Variants in DDX49 observed in about 807,000 individuals in gnomAD.
DDX49 encodes probable ATP-dependent RNA helicase DDX49.
Under a neutral mutation model 56.3 loss-of-function variants are expected in DDX49, and 50 were observed. The observed-to-expected ratio is 0.89, with a 90% CI of 0.71 to 1.12. DDX49 has a LOEUF of 1.12. DDX49 is among the 50% of genes most tolerant of loss of function. The pLI is 0.00. For missense variants in DDX49, 614 were observed against 650.5 expected (o/e 0.94, Z 0.61); for synonymous variants, 269 against 270.6 (o/e 0.99, Z 0.06).
chr19:18,924,824 T>C (rs2056947905), intron 8 of DDX49, 58 bp from the exon 9 acceptor site: 1 of 1,611,746 alleles, frequency 6.2e-7, no homozygotes, highest in Non-Finnish European at 8.5e-7. Flanking sequence ...CCTGGGTGAG[T>C]CCTTGCCTCG....
At chr19:18,922,142 C>A in intron 4 of DDX49, 178 bp downstream of exon 4, 1 of 1,165,752 alleles carries the variant, frequency 8.6e-7, no homozygotes, top group Non-Finnish European at 1.2e-6. Flanking sequence ...GGGCCCAGTC[C>A]TAGCAATGTT....
At chr19:18,926,769 A>G (rs923115348) in intron 10 of DDX49, among the ~76,000 whole-genome samples, 9 of 152,158 alleles carry the variant, frequency 5.9e-5, no homozygotes, top group African/African-American at 2.2e-4. Flanking sequence ...GACTGTCCTG[A>G]AATTTAGAAA....
chr19:18,922,076 C>T (rs762135316), intron 4 of DDX49, 112 bp downstream of exon 4: 16 of 1,422,362 alleles, frequency 1.1e-5, no homozygotes, highest in African/African-American at 1.4e-5. Context: ...GTCCGTTAGA[C>T]TGTCCAGTAA....
chr19:18,924,535 G>T, intron 7 of DDX49, 88 bp from the exon 8 acceptor site: 2 of 1,431,508 alleles, frequency 1.4e-6, no homozygotes, highest in South Asian at 2.3e-5. Flanking sequence ...GACGGCTGGG[G>T]ACTGTCCCGG....
rs1427864720 is a variant in DDX49 at position 18,919,729 on chromosome 19, A to G, written c.-13A>G. 3 of 1,605,494 alleles carry G rather than the reference A, an allele frequency of 1.9e-6. No individual in the cohort carries two copies. The highest frequency in any genetic ancestry group is 1.3e-5 in the African/African-American group (1 of 74,768). On this transcript the variant is annotated 5_prime_UTR_variant, in exon 1 of 13. Coordinates refer to ENST00000247003, the MANE Select transcript of DDX49 (RefSeq NM_019070.5). ...CGGGCCCCTACAAGGGGCCCCTACA[A>G]GCGGCCACAAGGATGGCAGGCTTCG...
intron 1 of DDX49, among the ~76,000 whole-genome samples, 174 bp from the exon 2 acceptor site, chr19:18,920,406 C>T (rs994953441): frequency 6.6e-6 from 1 of 152,200 alleles, no homozygotes; most frequent in African/African-American, 2.4e-5. Flanking sequence ...CCCAAATTCA[C>T]GTGCTCCTGG....
Position 18,919,749 on chromosome 19 carries a change from G to T in DDX49, c.8G>T (p.Gly3Val), listed in dbSNP as rs1420713060. ...CTACAAGCGGCCACAAGGATGGCAG[G>T]CTTCGCGGAGCTCGGGCTGTCATCG... MA[G>V]FAELGLSSWL... Residue 3 changes from glycine to valine, a missense_variant, in exon 1 of 13, where the codon GGC becomes GTC. Transcript: ENST00000247003. 3 of 1,610,250 alleles carry T rather than the reference G, an allele frequency of 1.9e-6. No homozygotes were observed. The highest frequency in any genetic ancestry group is 1.1e-5 in the South Asian group (1 of 91,034).
At position 18,926,341 on chromosome 19, in the gene DDX49, G is replaced by T; in HGVS notation, c.1066G>T (p.Asp356Tyr). ...GGCCATCACGCTGGTGACACAGTAC[G>T]ACATCCACCTGGTGCACGCCATCGA... is the stretch of plus-strand genomic sequence containing the variant. ...GQAITLVTQYDIHLVHAIEEQ... is the reference protein window; with the variant it reads ...GQAITLVTQYYIHLVHAIEEQ... Residue 356 changes from aspartate to tyrosine, a missense_variant, in exon 10 of 13, where the codon GAC (aspartate) becomes TAC (tyrosine). By Grantham distance (160) the Asp-to-Tyr change is radical. Transcript: ENST00000247003. 1 of 1,424,964 alleles carries T rather than the reference G, an allele frequency of 7.0e-7. No individual in the cohort carries two copies. Among genetic ancestry groups the T allele is most frequent in the Non-Finnish European group, 9.4e-7 (1 of 1,069,482 alleles). 88.3% of individuals were successfully genotyped at this position (1,424,964 alleles called of 1,614,324 possible).
chr19:18,924,503 C>A, intron 7 of DDX49, 120 bp from the exon 8 acceptor site: 1 of 1,235,284 alleles, frequency 8.1e-7, no homozygotes, highest in South Asian at 1.2e-5. Context: ...GGTCTGACTT[C>A]TCATGGCCAC....
intron 9 of DDX49, 68 bp downstream of exon 9, chr19:18,925,047 G>C: frequency 6.4e-7 from 1 of 1,553,576 alleles, no homozygotes; most frequent in Admixed American, 1.9e-5. Context: ...AAATTCAGGT[G>C]GTAGGACGTG....
rs752331764 is a variant in DDX49 at position 18,921,900 on chromosome 19, C to T, written c.383C>T (p.Pro128Leu). Residue 128 changes from proline (P) to leucine (L), a missense_variant, in exon 4 of 13, where the codon CCG becomes CTG. Pro to Leu is a moderately conservative substitution (Grantham distance 98). Coordinates refer to ENST00000247003, the MANE Select transcript of DDX49 (RefSeq NM_019070.5). ...SRKPHVVIAT[P>L]GRLADHLRSS... ...AAACCACACGTGGTCATCGCCACGC[C>T]GGGGCGCCTGGCAGATCACCTGCGC... 3.0e-5 allele frequency: 48 copies of T among 1,613,812 alleles called. 1 individual carries two copies. The South Asian group carries it at 4.0e-4, about 13-fold the overall frequency.
At chr19:18,924,367 T>TTGGC (rs1331336967) in intron 7 of DDX49, 59 bp downstream of exon 7, 2 of 1,529,672 alleles carry the variant, frequency 1.3e-6, no homozygotes, top group African/African-American at 2.7e-5. Context: ...GCCTCAGACA[T>TTGGC]TGGCCCCGAT....
chr19:18,920,753 T>G (rs1195287795), intron 2 of DDX49, 50 bp downstream of exon 2: 2 of 1,548,800 alleles, frequency 1.3e-6, no homozygotes, highest in East Asian at 4.6e-5. Flanking sequence ...CTGTGCTCTC[T>G]TGGGCAAGCA....
chr19:18,924,406 G>A, intron 7 of DDX49, 98 bp downstream of exon 7: 1 of 1,270,620 alleles, frequency 7.9e-7, no homozygotes, highest in Non-Finnish European at 1.1e-6. Context: ...CCTTCTTCCT[G>A]CCACCTGGTC....
chr19:18,923,193 A>C (rs2056933239), intron 6 of DDX49, among the ~76,000 whole-genome samples: 1 of 152,200 alleles, frequency 6.6e-6, no homozygotes. Flanking sequence ...AGAAGGGCAG[A>C]AATCAAGGCG....
chr19:18,922,535 C>T (rs1297012099), intron 5 of DDX49, 22 bp downstream of exon 5: 7 of 1,596,886 alleles, frequency 4.4e-6, no homozygotes, highest in African/African-American at 1.3e-5. Flanking sequence ...GCCCAGACAG[C>T]GTGGGGAGGG....
rs554436882 is a variant in DDX49 at position 18,928,569 on chromosome 19, G to A, written c.*253G>A. On this transcript the variant is annotated 3_prime_UTR_variant, in exon 13 of 13. Transcript: ENST00000247003. The stretch of plus-strand genomic sequence containing the variant: ...CGGGAGGTTGTGACCCCAACCCAAG[G>A]TCACCCCCCAGGGGTGCCGCATACA... 1.4e-5 allele frequency: 7 copies of A among 504,196 alleles called. No individual in the cohort carries two copies. The highest frequency in any genetic ancestry group is 7.6e-5 in the Admixed American group (2 of 26,428). The allele number at this position is 504,196 out of a possible 1,614,324, so 31.2% of individuals were successfully genotyped here. A position where few individuals can be genotyped will look rare whatever the true frequency, so the allele number is the denominator to read the frequency against.
chr19:18,924,733 C>G (rs779147168), intron 8 of DDX49, 34 bp downstream of exon 8: 1 of 1,613,928 alleles, frequency 6.2e-7, no homozygotes, highest in Non-Finnish European at 8.5e-7. Context: ...CAAGGGCACT[C>G]CCTCTTTTAC....
chr19:18,924,165 G>A (rs764225625), intron 6 of DDX49, 68 bp from the exon 7 acceptor site: 27 of 1,520,388 alleles, frequency 1.8e-5, no homozygotes, highest in Non-Finnish European at 2.5e-5. Flanking sequence ...TCAGGGGCGG[G>A]TGGGGGCAGG....
Sources: gnomAD v4.1 joint callset for allele counts (sites outside exome capture counted in the v4.1 genomes callset) on GRCh38, gnomAD v4.1.1 for gene constraint, MANE v1.5 for transcripts, NCBI Gene and HGNC (gene_info 2026-07-23, HGNC 2026-07-21) for gene names.